The following STRBP variants were observed in gnomAD, a reference collection of about 807,000 sequenced individuals.
The protein encoded by STRBP is spermatid perinuclear RNA binding protein, also known as spermatid perinuclear RNA-binding protein.
Under a neutral mutation model 80.1 loss-of-function variants are expected in STRBP, and 13 were observed. The ratio of observed to expected loss-of-function variants is 0.16; its 90% CI spans 0.11 to 0.26. STRBP has a LOEUF of 0.26. STRBP is among the 10% of genes least tolerant of loss of function. The pLI, the probability that STRBP is intolerant of heterozygous loss-of-function variation, is 1.00. For missense variants in STRBP, 485 were observed against 815.2 expected (o/e 0.59, Z 4.93); for synonymous variants, 284 against 291.2 (o/e 0.98, Z 0.25).
intron 1 of STRBP, among the ~76,000 whole-genome samples, chr9:123,261,773 C>T (rs1207712236): frequency 6.6e-6 from 1 of 152,202 alleles, no homozygotes; most frequent in Admixed American, 6.5e-5. Flanking sequence ...TTCTCTCCAG[C>T]TTTTAATCAT....
Position 123,180,942 on chromosome 9 carries a change from T to C in STRBP, c.4-1715A>G, listed in dbSNP as rs188089679. 4.1e-6 allele frequency: 4 copies of C among 985,028 alleles called. No individual in the cohort carries two copies. The East Asian group carries it at 4.5e-4, about 112-fold the overall frequency. 61.0% of individuals were successfully genotyped at this position (985,028 alleles called of 1,614,324 possible). ...GCAAACTAAAACATTCTCAATTTTT[T>C]ATGAACAGTCTTGCCTCTTTTGTTC... On this transcript the variant is annotated intron_variant, in intron 3 of 18. Coordinates refer to ENST00000348403, the MANE Select transcript of STRBP (RefSeq NM_018387.5).
intron 1 of STRBP, among the ~76,000 whole-genome samples, chr9:123,262,512 G>T (rs900433355): frequency 2.6e-5 from 4 of 152,162 alleles, no homozygotes; most frequent in African/African-American, 9.7e-5. Flanking sequence ...TACACAACCT[G>T]CTGCAGAATT....
chr9:123,127,117 A>T (rs1011652127), intron 18 of STRBP, among the ~76,000 whole-genome samples: 1 of 152,206 alleles, frequency 6.6e-6, no homozygotes, highest in Non-Finnish European at 1.5e-5. Flanking sequence ...TTGTAGCTTC[A>T]CATCTTTCTA....
intron 5 of STRBP, among the ~76,000 whole-genome samples, chr9:123,172,103 C>T (rs2038037290): frequency 6.6e-6 from 1 of 152,182 alleles, no homozygotes; most frequent in African/African-American, 2.4e-5. Context: ...TGAATAAAAA[C>T]TCCGATTTAC....
chr9:123,135,286 A>G (rs1037414902), intron 16 of STRBP, among the ~76,000 whole-genome samples: 3 of 152,210 alleles, frequency 2.0e-5, no homozygotes, highest in African/African-American at 7.2e-5. Flanking sequence ...TCTTTTTATT[A>G]CGTTAAGCAT....
rs368046262 is a variant in STRBP, at chr9:123,208,167, C to T, written c.-164-23869G>A. Among the ~76,000 whole-genome samples, 105 of 149,586 alleles carry T rather than the reference C, an allele frequency of 7.0e-4. 3 individuals carry two copies. In the South Asian group the frequency reaches 0.021, roughly 30 times the overall value. The stretch of plus-strand genomic sequence containing the variant: ...GAGACATATTCCAACATAGAATTAT[C>T]TAGGGGAGTAAACAAGACATTCAAA... On this transcript the variant is annotated intron_variant, in intron 2 of 18. Coordinates refer to ENST00000348403, the MANE Select transcript of STRBP (RefSeq NM_018387.5).
intron 11 of STRBP, among the ~76,000 whole-genome samples, chr9:123,157,739 TC>T (rs2037349579): frequency 6.6e-6 from 1 of 151,916 alleles, no homozygotes; most frequent in African/African-American, 2.4e-5. Flanking sequence ...CTGTGAGAAC[TC>T]ACTATCACAA....
intron 16 of STRBP, chr9:123,135,812 T>A: frequency 2.6e-6 from 1 of 385,972 alleles, no homozygotes; most frequent in Non-Finnish European, 4.7e-6. Flanking sequence ...CATATATACA[T>A]ATAAATATAA....
At chr9:123,134,430 A>C (rs886880172) in intron 16 of STRBP, among the ~76,000 whole-genome samples, 1 of 152,186 alleles carries the variant, frequency 6.6e-6, no homozygotes, top group Non-Finnish European at 1.5e-5. Context: ...ATGAATGGGC[A>C]GGAGACAGTT....
intron 2 of STRBP, among the ~76,000 whole-genome samples, chr9:123,230,858 T>A (rs984444232): frequency 6.6e-6 from 1 of 152,216 alleles, no homozygotes; most frequent in Non-Finnish European, 1.5e-5. Context: ...ATGAAAAGCG[T>A]ACACACTTTT....
chr9:123,267,158 C>A (rs1379497613), intron 1 of STRBP, among the ~76,000 whole-genome samples: 2 of 150,398 alleles, frequency 1.3e-5, no homozygotes, highest in African/African-American at 2.5e-5. Context: ...CCACGCCACC[C>A]CACACCTGTC....
At chr9:123,239,118 G>A (rs2040637209) in intron 1 of STRBP, among the ~76,000 whole-genome samples, 2 of 152,334 alleles carry the variant, frequency 1.3e-5, no homozygotes, top group Admixed American at 1.3e-4. Context: ...GCTCACGCCT[G>A]TAATCCCAGC....
intron 2 of STRBP, among the ~76,000 whole-genome samples, chr9:123,206,285 A>G (rs1173549447): frequency 1.3e-5 from 2 of 152,188 alleles, no homozygotes; most frequent in Non-Finnish European, 2.9e-5. Flanking sequence ...TATTTTAAAT[A>G]CCGTAGATAA....
rs1446195511 is a variant in STRBP at position 123,139,644 on chromosome 9, A to G, written c.1382T>C (p.Ile461Thr). The G allele has an allele frequency of 2.5e-6, 4 of 1,612,628 alleles. No individual in the cohort carries two copies. Among genetic ancestry groups the G allele is most frequent in the Non-Finnish European group, 3.4e-6 (4 of 1,179,778 alleles). Residue 461 changes from isoleucine to threonine, a missense_variant, in exon 14 of 19, where the codon ATT becomes ACT. By Grantham distance (89) the Ile-to-Thr change is moderately conservative (BLOSUM62 -1). Transcript: ENST00000348403. ...MGYPTGFDAD[I>T]ECMSSDEKSD... The stretch of plus-strand genomic sequence containing the variant: ...TTTTTCATCGGAACTCATACATTCA[A>G]TATCTGCATCAAAGCCTGTTGGATA...
chr9:123,127,503 A>G (rs531650066), intron 18 of STRBP, among the ~76,000 whole-genome samples: 77 of 152,346 alleles, frequency 5.1e-4, no homozygotes, highest in Admixed American at 4.4e-3. Flanking sequence ...GTCTAAGAGC[A>G]TATCACTGAC....
intron 2 of STRBP, among the ~76,000 whole-genome samples, chr9:123,202,348 C>T (rs1461247906): frequency 2.0e-5 from 3 of 152,164 alleles, no homozygotes; most frequent in Non-Finnish European, 2.9e-5. Context: ...TGGTGTATAT[C>T]AGGCTTTTGT....
intron 2 of STRBP, among the ~76,000 whole-genome samples, chr9:123,204,144 C>T (rs2039429104): frequency 6.6e-6 from 1 of 152,158 alleles, no homozygotes; most frequent in African/African-American, 2.4e-5. Flanking sequence ...AAAAGAGAAA[C>T]ACAAACGAAT....
intron 1 of STRBP, among the ~76,000 whole-genome samples, chr9:123,268,107 C>G (rs1156717865): frequency 1.3e-5 from 2 of 151,706 alleles, no homozygotes; most frequent in African/African-American, 4.8e-5. Flanking sequence ...GAAGACCTCC[C>G]GGCACCGCGT....
intron 2 of STRBP, among the ~76,000 whole-genome samples, chr9:123,227,068 C>T (rs1290016467): frequency 6.6e-6 from 1 of 152,190 alleles, no homozygotes; most frequent in African/African-American, 2.4e-5. Context: ...CTAAACACCT[C>T]CTACTAGGTC....
Sources: gnomAD v4.1 joint callset for allele counts (sites outside exome capture counted in the v4.1 genomes callset) on GRCh38, gnomAD v4.1.1 for gene constraint, MANE v1.5 for transcripts, NCBI Gene and HGNC (gene_info 2026-07-23, HGNC 2026-07-21) for gene names.